The following PLD5 variants were observed in gnomAD, a reference collection of about 807,000 sequenced individuals.
PLD5 encodes inactive phospholipase D5.
A neutral mutation model predicts 61.1 loss-of-function variants in PLD5; 36 were observed. The ratio of observed to expected loss-of-function variants is 0.59; its 90% CI spans 0.45 to 0.78. The LOEUF (loss-of-function observed/expected upper bound fraction) is 0.78, where lower values mean the gene tolerates loss of function less well. Among genes scored for constraint, PLD5 ranks in the 30% least tolerant of loss-of-function variants. The pLI is 0.00. For synonymous variants in PLD5, 243 were observed against 242.8 expected (o/e 1.00, Z -0.01); for missense variants, 515 against 644.4 (o/e 0.80, Z 2.17).
intron 4 of PLD5, among the ~76,000 whole-genome samples, chr1:242,263,165 C>A (rs1294421711): frequency 6.6e-6 from 1 of 152,182 alleles, no homozygotes; most frequent in Non-Finnish European, 1.5e-5. Flanking sequence ...GGCCTCCTTA[C>A]ACCTGCACTA....
chr1:242,137,153 A>G (rs914823158), intron 5 of PLD5, among the ~76,000 whole-genome samples: 2 of 152,148 alleles, frequency 1.3e-5, no homozygotes, highest in African/African-American at 2.4e-5. Context: ...CAAATAACTC[A>G]CAATCTTCCT....
At chr1:242,221,453 T>C (rs1361524689) in intron 4 of PLD5, among the ~76,000 whole-genome samples, 1 of 152,222 alleles carries the variant, frequency 6.6e-6, no homozygotes, top group Non-Finnish European at 1.5e-5. Context: ...CATTTCAGCA[T>C]ATCAGAAAGG....
intron 5 of PLD5, among the ~76,000 whole-genome samples, chr1:242,182,318 AT>A (rs201279196): frequency 2.0e-5 from 3 of 151,818 alleles, no homozygotes; most frequent in African/African-American, 7.3e-5. Flanking sequence ...CACCAAAGAA[AT>A]TTTTTTTTAG....
chr1:242,165,554 A>G lies in PLD5; in HGVS notation c.736-40889T>C, dbSNP rs1023441848. Reference sequence around the variant, plus strand: ...CACAATGGTAAACACTTGGAAACCAATGAACAACCCTTAGATTCTATTCTG... The same window carrying G: ...CACAATGGTAAACACTTGGAAACCAGTGAACAACCCTTAGATTCTATTCTG... On this transcript the variant is annotated intron_variant, in intron 5 of 9. Coordinates refer to ENST00000536534, the MANE Select transcript of PLD5 (RefSeq NM_001372062.1). Among the ~76,000 whole-genome samples, 7 of 152,314 alleles carry G rather than the reference A, an allele frequency of 4.6e-5. No individual in the cohort carries two copies. The East Asian group carries it at 9.6e-4, about 21-fold the overall frequency.
chr1:242,214,505 T>C (rs1670021225), intron 5 of PLD5, among the ~76,000 whole-genome samples: 1 of 152,182 alleles, frequency 6.6e-6, no homozygotes, highest in African/African-American at 2.4e-5. Flanking sequence ...GCTCACTGCC[T>C]GGCCCATTGG....
At chr1:242,118,249 AAC>A (rs1229599715) in intron 6 of PLD5, among the ~76,000 whole-genome samples, 4 of 152,330 alleles carry the variant, frequency 2.6e-5, no homozygotes. Context: ...TAATGAAAAT[AAC>A]ACACCTTTCA....
intron 4 of PLD5, among the ~76,000 whole-genome samples, chr1:242,264,085 C>T (rs3913530): frequency 0.014 from 2,051 of 151,640 alleles, 46 homozygotes; most frequent in African/African-American, 0.042. Context: ...ACAGGACCCT[C>T]GGTTAACCAA....
chr1:242,389,579 G>A (rs575946230), intron 1 of PLD5, among the ~76,000 whole-genome samples: 180 of 151,790 alleles, frequency 1.2e-3, no homozygotes, highest in Non-Finnish European at 2.2e-3. Context: ...GGGAAAATCT[G>A]TTTAAGGTTT....
intron 1 of PLD5, among the ~76,000 whole-genome samples, chr1:242,497,042 G>A (rs1490079090): frequency 6.6e-6 from 1 of 152,188 alleles, no homozygotes; most frequent in African/African-American, 2.4e-5. Context: ...GTTGGAAGGG[G>A]TCCCAGGAGA....
intron 9 of PLD5, among the ~76,000 whole-genome samples, chr1:242,098,349 A>G (rs1660417694): frequency 6.6e-6 from 1 of 152,158 alleles, no homozygotes; most frequent in Non-Finnish European, 1.5e-5. Flanking sequence ...AGTTGATCGA[A>G]TCGGCTACTG....
intron 4 of PLD5, among the ~76,000 whole-genome samples, chr1:242,221,227 G>T (rs1343636926): frequency 6.6e-6 from 1 of 152,108 alleles, no homozygotes; most frequent in Non-Finnish European, 1.5e-5. Context: ...CTCTCAAAAG[G>T]AGCATACAGT....
At chr1:242,186,683 A>G (rs1465865342) in intron 5 of PLD5, among the ~76,000 whole-genome samples, 3 of 152,188 alleles carry the variant, frequency 2.0e-5, no homozygotes, top group African/African-American at 7.2e-5. Flanking sequence ...TCTCTTCTAT[A>G]TTTTCTCATT....
intron 5 of PLD5, among the ~76,000 whole-genome samples, chr1:242,173,844 T>C (rs1666931371): frequency 6.6e-6 from 1 of 152,140 alleles, no homozygotes; most frequent in Non-Finnish European, 1.5e-5. Flanking sequence ...TGGCTAGCCA[T>C]ATGTAGAAAG....
chr1:242,275,707 G>C (rs994009293), intron 3 of PLD5, among the ~76,000 whole-genome samples: 3 of 152,184 alleles, frequency 2.0e-5, no homozygotes, highest in Non-Finnish European at 4.4e-5. Context: ...CAATAATCCA[G>C]CATAAGGCCT....
chr1:242,353,093 G>A (rs2488194), intron 1 of PLD5, among the ~76,000 whole-genome samples: 1 of 151,992 alleles, frequency 6.6e-6, no homozygotes, highest in Non-Finnish European at 1.5e-5. Flanking sequence ...GAGGTGAAAT[G>A]TAAAAATGTT....
chr1:242,238,246 C>T (rs1048590292), intron 4 of PLD5, among the ~76,000 whole-genome samples: 6 of 152,164 alleles, frequency 3.9e-5, no homozygotes, highest in African/African-American at 1.2e-4. Flanking sequence ...CAAGACAATG[C>T]AGAGTCCTGA....
intron 5 of PLD5, among the ~76,000 whole-genome samples, chr1:242,131,441 C>T (rs1663240799): frequency 1.3e-5 from 2 of 152,228 alleles, no homozygotes; most frequent in South Asian, 4.1e-4. Flanking sequence ...TTAGTTGTCC[C>T]TGTGTGGTCG....
At chr1:242,510,232 A>C (rs182674659) in intron 1 of PLD5, among the ~76,000 whole-genome samples, 353 of 152,142 alleles carry the variant, frequency 2.3e-3, no homozygotes, top group African/African-American at 6.8e-3. Context: ...CACACACACA[A>C]AAAAAGGTCG....
intron 1 of PLD5, among the ~76,000 whole-genome samples, chr1:242,412,904 G>T (rs950924483): frequency 3.3e-5 from 5 of 152,194 alleles, no homozygotes; most frequent in Admixed American, 6.5e-5. Context: ...ACTTTCTGGA[G>T]GGGCTGCACT....
Sources: gnomAD v4.1 joint callset for allele counts (sites outside exome capture counted in the v4.1 genomes callset) on GRCh38, gnomAD v4.1.1 for gene constraint, MANE v1.5 for transcripts, NCBI Gene and HGNC (gene_info 2026-07-23, HGNC 2026-07-21) for gene names.